The following CHD9 variants were observed in gnomAD, a reference collection of about 807,000 sequenced individuals.
The protein encoded by CHD9 is ATP-dependent chromatin remodeler CHD9.
Under a neutral mutation model 316.1 loss-of-function variants are expected in CHD9, and 77 were observed. The observed-to-expected ratio is 0.24, with a 90% CI of 0.20 to 0.29. CHD9 has a LOEUF of 0.29. Among genes scored for constraint, CHD9 ranks in the 10% least tolerant of loss-of-function variants. The probability of loss-of-function intolerance (pLI) is 1.00; values close to 1 mark genes in which losing one functional copy is unlikely to be tolerated. For missense variants in CHD9, 2,763 were observed against 3,438.1 expected, an observed-to-expected ratio of 0.80 and a Z score of 4.91; for synonymous variants, 1,129 against 1,158.3, an observed-to-expected ratio of 0.97 and a Z score of 0.51.
chr16:53,185,601 A>G (rs2043924330), intron 2 of CHD9, among the ~76,000 whole-genome samples: 2 of 152,204 alleles, frequency 1.3e-5, no homozygotes, highest in South Asian at 2.1e-4. Context: ...AATCAAGACA[A>G]TGGGGCAAGT....
rs1358307320 is a variant in CHD9, at chr16:53,209,649, T to C, written c.1620T>C (p.Arg540=). The C allele has an allele frequency of 1.9e-6, 3 of 1,613,888 alleles. No homozygotes were observed. In the Admixed American group the frequency reaches 5.0e-5, roughly 27 times the overall value. Residue 540 remains arginine (R), a synonymous_variant, in exon 3 of 39, where the codon CGT becomes CGC. Transcript: ENST00000447540. ...AGGCCATAGCAAAAGCAAAGGAGCGTGGGGAACGCAATATTCCACGAGTAA... is the reference window on the plus strand; with the variant it reads ...AGGCCATAGCAAAAGCAAAGGAGCGCGGGGAACGCAATATTCCACGAGTAA... The part of the protein sequence containing the change: ...ISEAIAKAKE[R]GERNIPRVMS...
intron 1 of CHD9, among the ~76,000 whole-genome samples, chr16:53,120,511 G>A (rs2038664532): frequency 6.6e-6 from 1 of 152,154 alleles, no homozygotes; most frequent in South Asian, 2.1e-4. Context: ...TACTAAGGAG[G>A]CTGAAGCAGG....
chr16:53,124,517 A>G (rs906864694), intron 1 of CHD9, among the ~76,000 whole-genome samples: 1 of 126,444 alleles, frequency 7.9e-6, no homozygotes, highest in East Asian at 2.2e-4. Context: ...TCGCTCTGTC[A>G]TCCAGGCTGA....
chr16:53,156,101 A>G lies in CHD9; in HGVS notation c.12A>G (p.Pro4=), dbSNP rs773936170. Residue 4 remains proline (P), a synonymous_variant, in exon 2 of 39, where the codon CCA becomes CCG. Transcript: ENST00000447540. MTD[P]MMDFFDDANL... ...ACAGAATTTTCAAGATGACAGATCC[A>G]ATGATGGACTTTTTTGATGATGCCA... 2 of 1,612,282 alleles carry G rather than the reference A, an allele frequency of 1.2e-6. No individual in the cohort carries two copies. Among genetic ancestry groups the G allele is most frequent in the Non-Finnish European group, 1.7e-6 (2 of 1,178,944 alleles).
At chr16:53,179,986 T>G (rs911776978) in intron 2 of CHD9, among the ~76,000 whole-genome samples, 3 of 151,926 alleles carry the variant, frequency 2.0e-5, no homozygotes, top group African/African-American at 7.3e-5. Flanking sequence ...CAGTGGTCAT[T>G]ATGAGTTTCT....
chr16:53,265,977 T>A (rs530465465), intron 20 of CHD9, among the ~76,000 whole-genome samples: 62 of 143,320 alleles, frequency 4.3e-4, no homozygotes, highest in African/African-American at 1.6e-3. Context: ...TAGTTTTTTG[T>A]TTTTTTTTTT....
chr16:53,061,361 C>T (rs1441736906), intron 1 of CHD9, among the ~76,000 whole-genome samples: 1 of 152,224 alleles, frequency 6.6e-6, no homozygotes, highest in Non-Finnish European at 1.5e-5. Context: ...TTTCTTGAGT[C>T]CTCAGTAAGA....
At chr16:53,255,962 C>T (rs907592509) in intron 19 of CHD9, among the ~76,000 whole-genome samples, 183 bp downstream of exon 19, 2 of 151,982 alleles carry the variant, frequency 1.3e-5, no homozygotes, top group South Asian at 2.1e-4. Context: ...CTTTTCTGAT[C>T]CTTGTGAAAC....
chr16:53,276,239 AT>A (rs1217225784), intron 24 of CHD9, among the ~76,000 whole-genome samples: 3 of 152,192 alleles, frequency 2.0e-5, no homozygotes, highest in African/African-American at 7.2e-5. Flanking sequence ...ACTCAGGTTA[AT>A]CTCAGCTAGC....
intron 36 of CHD9, among the ~76,000 whole-genome samples, chr16:53,315,549 G>A (rs1389672263): frequency 1.3e-5 from 2 of 152,070 alleles, no homozygotes; most frequent in South Asian, 4.1e-4. Flanking sequence ...CGTGATCTCG[G>A]CTCACTTCAA....
chr16:53,119,989 G>C (rs9922061), intron 1 of CHD9, among the ~76,000 whole-genome samples: 131,111 of 151,836 alleles, frequency 0.86, 57,015 homozygotes, highest in African/African-American at 0.96. Flanking sequence ...GCTTTGGGAG[G>C]CTGACGCAGG....
intron 1 of CHD9, among the ~76,000 whole-genome samples, chr16:53,140,565 A>G (rs1042318974): frequency 1.3e-5 from 2 of 152,170 alleles, no homozygotes; most frequent in African/African-American, 4.8e-5. Flanking sequence ...GTTACCCTCA[A>G]TCAGTTTTTA....
chr16:53,118,317 T>A lies in CHD9; in HGVS notation c.-164-37609T>A, dbSNP rs1013352535. 3.3e-5 allele frequency among the ~76,000 whole-genome samples: 5 copies of A among 152,212 alleles called. No individual in the cohort carries two copies. In the East Asian group the frequency reaches 7.8e-4, roughly 24 times the overall value. On this transcript the variant is annotated intron_variant, in intron 1 of 38. Coordinates refer to ENST00000447540, the MANE Select transcript of CHD9 (RefSeq NM_001308319.2). Reference sequence around the variant, plus strand: ...CTGTAATCCCAGCTACTCTGGTGGCTGAGGCATGAGAATCGCTTGACCCTG... The same window carrying A: ...CTGTAATCCCAGCTACTCTGGTGGCAGAGGCATGAGAATCGCTTGACCCTG...
At position 53,189,327 on chromosome 16, in the gene CHD9, G is replaced by T. The variant is rs1312736701; in HGVS notation, c.1453-20155G>T. Among the ~76,000 whole-genome samples the T allele has an allele frequency of 4.6e-5, 7 of 151,988 alleles. No homozygotes were observed. In the East Asian group the frequency reaches 1.4e-3, roughly 29 times the overall value. On this transcript the variant is annotated intron_variant, in intron 2 of 38. Coordinates refer to ENST00000447540, the MANE Select transcript of CHD9 (RefSeq NM_001308319.2). ...TTTCATACATGCCTTTTATTATGTTGCAAAGGTTTCTTTTTATTCCTAGTT... is the reference window on the plus strand; with the variant it reads ...TTTCATACATGCCTTTTATTATGTTTCAAAGGTTTCTTTTTATTCCTAGTT...
At chr16:53,252,249 G>A (rs757662498) in intron 17 of CHD9, among the ~76,000 whole-genome samples, 22 of 151,922 alleles carry the variant, frequency 1.4e-4, no homozygotes, top group African/African-American at 2.2e-4. Context: ...ATAAACCCAC[G>A]TACTTACAGC....
intron 2 of CHD9, among the ~76,000 whole-genome samples, chr16:53,159,919 T>C (rs1308900149): frequency 6.6e-6 from 1 of 152,194 alleles, no homozygotes; most frequent in Non-Finnish European, 1.5e-5. Flanking sequence ...GCCCGGCCAC[T>C]TTAGTTCTAT....
chr16:53,069,067 C>T (rs531647254), intron 1 of CHD9, among the ~76,000 whole-genome samples: 2 of 152,086 alleles, frequency 1.3e-5, no homozygotes, highest in East Asian at 1.9e-4. Context: ...TGCAGTGGTG[C>T]CATCTTGGCT....
intron 3 of CHD9, 86 bp downstream of exon 3, chr16:53,209,899 T>G: frequency 3.3e-6 from 3 of 909,490 alleles, no homozygotes; most frequent in Non-Finnish European, 4.9e-6. Context: ...GATTTGAGTA[T>G]ATTTACTCCC....
At chr16:53,274,898 A>G (rs186923619) in intron 24 of CHD9, among the ~76,000 whole-genome samples, 2 of 152,322 alleles carry the variant, frequency 1.3e-5, no homozygotes, top group East Asian at 3.9e-4. Flanking sequence ...CCAATTTGTT[A>G]CTTCTCTTTT....
Sources: allele counts gnomAD v4.1 joint callset (sites outside exome capture counted in the v4.1 genomes callset), GRCh38; gene constraint gnomAD v4.1.1; transcripts MANE v1.5; gene names NCBI Gene and HGNC (gene_info 2026-07-23, HGNC 2026-07-21).